The following LVRN variants were observed in gnomAD, a reference collection of about 807,000 sequenced individuals.
LVRN encodes the protein aminopeptidase Q.
In LVRN, 99 loss-of-function variants were observed where a neutral mutation model predicts 111.4. The observed-to-expected ratio is 0.89, with a 90% CI of 0.76 to 1.05. The LOEUF is 1.05. LVRN is among the 50% of genes least tolerant of loss of function. LVRN has a pLI of 0.00. For synonymous variants in LVRN, 488 were observed against 449.5 expected (o/e 1.09, Z -1.08); for missense variants, 1,414 against 1,206.8 (o/e 1.17, Z -2.54).
intron 1 of LVRN, among the ~76,000 whole-genome samples, chr5:115,965,525 A>G (rs1753184500): frequency 6.6e-6 from 1 of 152,206 alleles, no homozygotes; most frequent in African/African-American, 2.4e-5. Flanking sequence ...TTAGAAATTT[A>G]TACGTTTTGA....
At chr5:116,001,461 A>G (rs1748239081) in intron 10 of LVRN, among the ~76,000 whole-genome samples, 1 of 152,232 alleles carries the variant, frequency 6.6e-6, no homozygotes, top group South Asian at 2.1e-4. Context: ...ATTTAGGGTT[A>G]CATCAGCGAC....
chr5:115,971,250 A>G (rs2112553955), intron 1 of LVRN, among the ~76,000 whole-genome samples: 1 of 148,280 alleles, frequency 6.7e-6, no homozygotes, highest in South Asian at 2.1e-4. Context: ...TCTCAAATAC[A>G]TGATTTGCAA....
Position 116,016,141 on chromosome 5 carries a change from G to A in LVRN, c.2756+376G>A, listed in dbSNP as rs114849405. 4.6e-3 allele frequency among the ~76,000 whole-genome samples: 697 copies of A among 152,108 alleles called. 3 individuals carry two copies. Among genetic ancestry groups the A allele is most frequent in the African/African-American group, 0.014 (573 of 41,502 alleles). On this transcript the variant is annotated intron_variant, in intron 18 of 19. Coordinates refer to ENST00000357872, the MANE Select transcript of LVRN (RefSeq NM_173800.5). Reference sequence around the variant, plus strand: ...TACATCTTATGCATTTATTTTTAGGGCTTAGTTTATATTCAGCAGTTTTGT... The same window carrying A: ...TACATCTTATGCATTTATTTTTAGGACTTAGTTTATATTCAGCAGTTTTGT...
At chr5:116,004,253 G>A (rs1427224137) in intron 12 of LVRN, among the ~76,000 whole-genome samples, 3 of 152,154 alleles carry the variant, frequency 2.0e-5, no homozygotes, top group South Asian at 2.1e-4. Flanking sequence ...TAACTATGCA[G>A]TGTATAAACA....
intron 14 of LVRN, among the ~76,000 whole-genome samples, chr5:116,011,935 C>T (rs538035360): frequency 6.6e-6 from 1 of 151,984 alleles, no homozygotes; most frequent in African/African-American, 2.4e-5. Flanking sequence ...AGGACATAAA[C>T]CAGTTCTTTT....
intron 3 of LVRN, among the ~76,000 whole-genome samples, chr5:115,987,406 A>G (rs994176162): frequency 1.3e-5 from 2 of 152,216 alleles, no homozygotes; most frequent in Non-Finnish European, 2.9e-5. Context: ...AATATGTACC[A>G]TACTATATAA....
At chr5:115,991,559 C>T (rs1266222657) in intron 4 of LVRN, among the ~76,000 whole-genome samples, 1 of 152,078 alleles carries the variant, frequency 6.6e-6, no homozygotes, top group Non-Finnish European at 1.5e-5. Flanking sequence ...TGGGTTAATT[C>T]CAAGGAATGT....
In LVRN at chr5:116,000,489, T is replaced by C. The variant is rs753724753; in HGVS notation, c.1572T>C (p.Ser524=). ...SCFLNEHLFV[S]ALKSYLKTFS... The stretch of plus-strand genomic sequence containing the variant: ...TCTTGAATGAGCATTTATTTGTCAG[T>C]GCACTCAAGGTGAGTTTGCAAAATA... The change falls in exon 8 of 20, where the codon AGT becomes AGC. Residue 524 remains serine (S), a synonymous_variant. Coordinates refer to ENST00000357872, the MANE Select transcript of LVRN (RefSeq NM_173800.5). The C allele has an allele frequency of 3.7e-6, 6 of 1,614,172 alleles. No homozygotes were observed. In the Admixed American group the frequency reaches 8.3e-5, roughly 22 times the overall value.
rs758155834 is a variant in LVRN at position 115,963,064 on chromosome 5, C to T, written c.447C>T (p.Leu149=). The T allele has an allele frequency of 9.9e-6, 16 of 1,613,552 alleles. No homozygotes were observed. Among genetic ancestry groups the T allele is most frequent in the Non-Finnish European group, 1.2e-5 (14 of 1,179,916 alleles). Residue 149 remains leucine (L), a synonymous_variant, in exon 1 of 20, where the codon CTC becomes CTT. Transcript: ENST00000357872. ...VATSRLLLHS[L]FQDCERAEVR... ...CCTCTCGACTGCTGCTGCATAGCCTCTTCCAGGACTGCGAGCGCGCCGAGG... is the reference window on the plus strand; with the variant it reads ...CCTCTCGACTGCTGCTGCATAGCCTTTTCCAGGACTGCGAGCGCGCCGAGG...
chr5:115,983,291 C>A lies in LVRN; in HGVS notation c.700C>A (p.Leu234Met), dbSNP rs772139459. ...TTTCCCCAAAATGTATTTCAGGGCC[C>A]TGTTAGCGTCCCAGCTGGAACCAAC... ...VYTDQGERRA[L>M]LASQLEPTFA... The change falls in exon 2 of 20, where the codon CTG (leucine) becomes ATG (methionine). Residue 234 changes from leucine (L) to methionine (M), a missense_variant. Transcript: ENST00000357872. 6.3e-7 allele frequency: 1 copy of A among 1,582,772 alleles called. No homozygotes were observed. Among genetic ancestry groups the A allele is most frequent in the Non-Finnish European group, 8.5e-7 (1 of 1,170,198 alleles).
intron 15 of LVRN, among the ~76,000 whole-genome samples, chr5:116,012,950 A>G (rs1162156459): frequency 3.3e-5 from 5 of 152,130 alleles, no homozygotes; most frequent in Non-Finnish European, 5.9e-5. Context: ...TAGTTTCACA[A>G]ATGACTTTCA....
intron 1 of LVRN, among the ~76,000 whole-genome samples, chr5:115,980,022 A>G (rs113877590): frequency 0.021 from 3,244 of 152,232 alleles, 121 homozygotes; most frequent in African/African-American, 0.074. Context: ...ACAAGAAAAC[A>G]GTGAGTCCAT....
At chr5:116,018,684 G>A (rs112079946) in intron 18 of LVRN, among the ~76,000 whole-genome samples, 42,847 of 151,606 alleles carry the variant, frequency 0.28, 6,435 homozygotes, top group African/African-American at 0.37. Context: ...CTCCAAAAAA[G>A]AAAGATATGC....
intron 18 of LVRN, chr5:116,021,893 G>T (rs1271318496): frequency 1.2e-5 from 4 of 325,542 alleles, no homozygotes; most frequent in Non-Finnish European, 2.4e-5. Context: ...GAGCCATGGT[G>T]CTCAGCCTTC....
intron 4 of LVRN, among the ~76,000 whole-genome samples, chr5:115,988,541 TTTTTTC>T (rs1747918650): frequency 6.6e-6 from 1 of 152,206 alleles, no homozygotes; most frequent in South Asian, 2.1e-4. Flanking sequence ...TTGTTCATTG[TTTTTTC>T]TCTAAATTGA....
chr5:116,000,787 G>C lies in LVRN; in HGVS notation c.1647+129G>C, dbSNP rs896109522. 25 of 982,528 alleles carry C rather than the reference G, an allele frequency of 2.5e-5. No homozygotes were observed. The African/African-American group carries it at 3.9e-4, about 15-fold the overall frequency. The allele number at this position is 982,528 out of a possible 1,614,324, so 60.9% of individuals were successfully genotyped here. ...TTGTCTTGTTGTAGAACTCCCTTAGGTCATGGGTAGTGTCTTTAGTCTTCA... is the reference window on the plus strand; with the variant it reads ...TTGTCTTGTTGTAGAACTCCCTTAGCTCATGGGTAGTGTCTTTAGTCTTCA... On this transcript the variant is annotated intron_variant, in intron 9 of 19. Transcript: ENST00000357872.
chr5:116,023,116 A>G (rs1031519808), intron 19 of LVRN, among the ~76,000 whole-genome samples: 1 of 152,162 alleles, frequency 6.6e-6, no homozygotes, highest in East Asian at 1.9e-4. Context: ...TACCTATTCT[A>G]GGAACTTTTT....
chr5:116,015,198 A>AGC, intron 16 of LVRN, 54 bp from the exon 17 acceptor site: 1 of 822,082 alleles, frequency 1.2e-6, no homozygotes, highest in Non-Finnish European at 1.7e-6. Context: ...AAATATGATA[A>AGC]CCTGGGTAAA....
chr5:116,008,025 T>C (rs1373101278), intron 13 of LVRN, among the ~76,000 whole-genome samples: 1 of 152,178 alleles, frequency 6.6e-6, no homozygotes, highest in Non-Finnish European at 1.5e-5. Flanking sequence ...TCTTTGGCGT[T>C]TCCATTCCCT....
Sources: allele counts gnomAD v4.1 joint callset (sites outside exome capture counted in the v4.1 genomes callset), GRCh38; gene constraint gnomAD v4.1.1; transcripts MANE v1.5; gene names NCBI Gene and HGNC (gene_info 2026-07-23, HGNC 2026-07-21).